The following SEMA6A variants were observed in gnomAD, a reference collection of about 807,000 sequenced individuals.
SEMA6A encodes semaphorin 6A.
A neutral mutation model predicts 96.8 loss-of-function variants in SEMA6A; 25 were observed. The observed-to-expected ratio is 0.26, with a 90% CI of 0.19 to 0.36. The LOEUF (loss-of-function observed/expected upper bound fraction) is 0.36. Ranked by LOEUF, SEMA6A falls within the 10% of genes least tolerant of loss-of-function variation. The pLI, the probability that SEMA6A is intolerant of heterozygous loss-of-function variation, is 1.00. For synonymous variants in SEMA6A, 612 were observed against 518.0 expected (o/e 1.18, Z -2.46); for missense variants, 1,363 against 1,323.1 (o/e 1.03, Z -0.47).
intron 18 of SEMA6A, among the ~76,000 whole-genome samples, chr5:116,453,966 T>C (rs1201676814): frequency 6.6e-6 from 1 of 152,052 alleles, no homozygotes; most frequent in Non-Finnish European, 1.5e-5. Flanking sequence ...CCCACCCCAA[T>C]TACCACCCTA....
Position 116,447,053 on chromosome 5 carries a change from C to T in SEMA6A, c.2653G>A (p.Glu885Lys). The change falls in exon 19 of 19, where the codon GAG becomes AAG. Residue 885 changes from glutamate to lysine, a missense_variant. By Grantham distance (56) the Glu-to-Lys change is moderately conservative (BLOSUM62 1). Coordinates refer to ENST00000343348, the MANE Select transcript of SEMA6A (RefSeq NM_020796.5). ...DSLPPKVPQREASLGPPGASL... is the reference protein window; with the variant it reads ...DSLPPKVPQRKASLGPPGASL... ...GCTCCCGGGGGACCCAGGGAGGCCT[C>T]CCGCTGTGGAACTTTGGGGGGCAGG... The T allele has an allele frequency of 6.2e-7, 1 of 1,613,938 alleles. No individual in the cohort carries two copies. The highest frequency in any genetic ancestry group is 8.5e-7 in the Non-Finnish European group (1 of 1,179,864).
chr5:116,494,763 G>A (rs1757500752), intron 6 of SEMA6A, among the ~76,000 whole-genome samples: 1 of 152,212 alleles, frequency 6.6e-6, no homozygotes, highest in Non-Finnish European at 1.5e-5. Context: ...GATGTACAAG[G>A]AAGGCTAACA....
intron 17 of SEMA6A, chr5:116,471,452 A>C (rs191617640): frequency 6.6e-6 from 1 of 152,294 alleles, no homozygotes; most frequent in East Asian, 1.9e-4. Context: ...AATTTCTCAA[A>C]ATCTGATGAA....
chr5:116,471,775 C>G (rs745380761), intron 17 of SEMA6A: 3 of 152,198 alleles, frequency 2.0e-5, no homozygotes, highest in Non-Finnish European at 4.4e-5. Flanking sequence ...TTCAAAAAGG[C>G]TATTTATGTA....
At chr5:116,553,499 G>A in intron 1 of SEMA6A, among the ~76,000 whole-genome samples, 1 of 152,190 alleles carries the variant, frequency 6.6e-6, no homozygotes, top group East Asian at 1.9e-4. Flanking sequence ...ACTGTGTGGC[G>A]CTGCCTGTGA....
At chr5:116,561,675 A>G (rs1391791859) in intron 1 of SEMA6A, among the ~76,000 whole-genome samples, 1 of 152,240 alleles carries the variant, frequency 6.6e-6, no homozygotes, top group Admixed American at 6.5e-5. Flanking sequence ...ATGTTGGAAG[A>G]TCTGCTAGAG....
intron 1 of SEMA6A, among the ~76,000 whole-genome samples, chr5:116,573,322 A>G (rs753629628): frequency 1.5e-4 from 23 of 151,744 alleles, no homozygotes; most frequent in Non-Finnish European, 2.1e-4. Context: ...ATCTTTCCAG[A>G]GCGAGACCGC....
At chr5:116,557,804 CTG>C (rs1486578618) in intron 1 of SEMA6A, among the ~76,000 whole-genome samples, 3 of 152,154 alleles carry the variant, frequency 2.0e-5, no homozygotes, top group African/African-American at 7.2e-5. Flanking sequence ...TGGTAGCATT[CTG>C]TGTGTTTTGT....
At position 116,563,262 on chromosome 5, in the gene SEMA6A, C is replaced by T. The variant is rs547603190; in HGVS notation, c.-39+10923G>A. ...AATGGCCTCGAATCCAGCCAGAAGC[C>T]AGTAAATATCAGCAATTTTGATAGG... is the stretch of plus-strand genomic sequence containing the variant. On this transcript the variant is annotated intron_variant, in intron 1 of 18. Transcript: ENST00000343348. Among the ~76,000 whole-genome samples, 471 of 152,268 alleles carry T rather than the reference C, an allele frequency of 3.1e-3. 3 individuals carry two copies. Among genetic ancestry groups the T allele is most frequent in the African/African-American group, 0.011 (441 of 41,556 alleles).
At chr5:116,502,106 C>A in intron 3 of SEMA6A, 104 bp downstream of exon 3, 2 of 813,078 alleles carry the variant, frequency 2.5e-6, no homozygotes, top group East Asian at 2.5e-5. Context: ...AAATAACACT[C>A]TATTTAGAAA....
chr5:116,504,766 T>A, intron 2 of SEMA6A, 79 bp downstream of exon 2: 1 of 1,135,560 alleles, frequency 8.8e-7, no homozygotes, highest in Non-Finnish European at 1.3e-6. Context: ...ATTTCATTTT[T>A]CAGTTTTATT....
chr5:116,538,832 C>A (rs2112857901), intron 1 of SEMA6A, among the ~76,000 whole-genome samples: 1 of 152,290 alleles, frequency 6.6e-6, no homozygotes, highest in East Asian at 1.9e-4. Flanking sequence ...TTTCACCCTG[C>A]AATACCCCTG....
chr5:116,467,147 G>T lies in SEMA6A; in HGVS notation c.1894+436C>A, dbSNP rs1172072891. On this transcript the variant is annotated intron_variant, in intron 18 of 18. Transcript: ENST00000343348. ...GTGAGAGATGCTACCAGCCAGAAAA[G>T]ACTTTGTCCTGCTATTTCTCAATTC... Among the ~76,000 whole-genome samples, 4 of 152,100 alleles carry T rather than the reference G, an allele frequency of 2.6e-5. No individual in the cohort carries two copies. The South Asian group carries it at 6.2e-4, about 24-fold the overall frequency.
At chr5:116,562,985 AG>A in intron 1 of SEMA6A, 3 of 568,526 alleles carry the variant, frequency 5.3e-6, no homozygotes, top group South Asian at 1.4e-5. Flanking sequence ...ACCCGCAGGA[AG>A]GGGGGTCGCC....
intron 1 of SEMA6A, among the ~76,000 whole-genome samples, chr5:116,521,168 C>T (rs1040583630): frequency 1.3e-5 from 2 of 152,304 alleles, no homozygotes; most frequent in South Asian, 2.1e-4. Flanking sequence ...AGCATCTATA[C>T]AGCTCTACCT....
chr5:116,495,497 A>G lies in SEMA6A; in HGVS notation c.360T>C (p.Phe120=), dbSNP rs368020417. 4 of 1,599,878 alleles carry G rather than the reference A, an allele frequency of 2.5e-6. No individual in the cohort carries two copies. In the African/African-American group the frequency reaches 4.0e-5, roughly 16 times the overall value. The change falls in exon 6 of 19, where the codon TTT becomes TTC. Residue 120 remains phenylalanine, a synonymous_variant. Transcript: ENST00000343348. ...KGKHKDECHN[F]IKVLLKKNDD... is the part of the protein sequence containing the mutation. The stretch of plus-strand genomic sequence containing the variant: ...CGTTTTTCTTTAGAAGAACTTTAAT[A>G]AAGTTGTGGCACTCATCCTGAAAAA...
intron 1 of SEMA6A, among the ~76,000 whole-genome samples, chr5:116,510,928 C>A (rs1040569118): frequency 1.3e-5 from 2 of 152,160 alleles, no homozygotes; most frequent in Non-Finnish European, 2.9e-5. Flanking sequence ...CTTCTGTGTG[C>A]AAGGTACATA....
chr5:116,543,414 C>G (rs909816983), intron 1 of SEMA6A, among the ~76,000 whole-genome samples: 2 of 152,176 alleles, frequency 1.3e-5, no homozygotes, highest in African/African-American at 4.8e-5. Flanking sequence ...CCATTTTTCT[C>G]TTGTTTAGTT....
Position 116,482,472 on chromosome 5 carries a change from C to G in SEMA6A, c.1066G>C (p.Val356Leu). The change falls in exon 11 of 19, where the codon GTT (valine) becomes CTT (leucine). Residue 356 changes from valine (V) to leucine (L), a missense_variant. Physicochemically the swap from Val to Leu is conservative, Grantham distance 32. Coordinates refer to ENST00000343348, the MANE Select transcript of SEMA6A (RefSeq NM_020796.5). ...GGCTTAGGAACTCGTTCATCAGGAA[C>G]TGGTGTCCAGGTGGAATCAGGAGAC... ...QKSPDSTWTPVPDERVPKPRP... is the reference protein window; with the variant it reads ...QKSPDSTWTPLPDERVPKPRP... 6.2e-7 allele frequency: 1 copy of G among 1,613,466 alleles called. No homozygotes were observed. The highest frequency in any genetic ancestry group is 1.3e-5 in the African/African-American group (1 of 75,016).
Sources: gnomAD v4.1 joint callset for allele counts (sites outside exome capture counted in the v4.1 genomes callset) on GRCh38, gnomAD v4.1.1 for gene constraint, MANE v1.5 for transcripts, NCBI Gene and HGNC (gene_info 2026-07-23, HGNC 2026-07-21) for gene names.